Variants in CTNND2 observed in about 807,000 individuals in gnomAD.
CTNND2 encodes the protein catenin delta-2.
Under a neutral mutation model 144.4 loss-of-function variants are expected in CTNND2, and 22 were observed. The observed-to-expected ratio is 0.15, with a 90% CI of 0.11 to 0.22. The LOEUF is 0.22. CTNND2 is among the 10% of genes least tolerant of loss of function. The probability of loss-of-function intolerance (pLI) is 1.00; values close to 1 mark genes in which losing one functional copy is unlikely to be tolerated. For missense variants in CTNND2, 1,353 were observed against 1,618.8 expected, an observed-to-expected ratio of 0.84 and a Z score of 2.82; for synonymous variants, 751 against 695.6, an observed-to-expected ratio of 1.08 and a Z score of -1.25.
intron 9 of CTNND2, among the ~76,000 whole-genome samples, chr5:11,273,541 A>T (rs1746230985): frequency 6.6e-6 from 1 of 152,206 alleles, no homozygotes; most frequent in South Asian, 2.1e-4. Context: ...GCTTGAAGGA[A>T]AATTGGGCTT....
chr5:11,884,618 C>T (rs56391363), intron 1 of CTNND2, among the ~76,000 whole-genome samples: 39,058 of 151,940 alleles, frequency 0.26, 5,139 homozygotes, highest in Middle Eastern at 0.28. Context: ...GTGGATAATA[C>T]GACTTCCTCC....
At chr5:11,692,702 A>C (rs1784962835) in intron 2 of CTNND2, among the ~76,000 whole-genome samples, 1 of 152,238 alleles carries the variant, frequency 6.6e-6, no homozygotes, top group Non-Finnish European at 1.5e-5. Context: ...TCTGGGTTCA[A>C]GTGATTCTCC....
chr5:11,671,818 T>C (rs998912850), intron 2 of CTNND2, among the ~76,000 whole-genome samples: 2 of 152,130 alleles, frequency 1.3e-5, no homozygotes, highest in African/African-American at 4.8e-5. Context: ...TTTTGTTCCC[T>C]TGCTGGCGAG....
intron 3 of CTNND2, among the ~76,000 whole-genome samples, chr5:11,479,196 G>A (rs546027338): frequency 3.1e-4 from 47 of 152,062 alleles, no homozygotes; most frequent in Admixed American, 1.2e-3. Flanking sequence ...TCCCCTCTTC[G>A]TGTCCATGTG....
rs554478730 is a variant in CTNND2, at chr5:11,300,992, G to A, written c.1628+45380C>T. ...ATGAAACAAGAACTGGTATCTCAGTGTGTGGTCTCCCCTTCTGCTTTCTTT... is the reference window on the plus strand; with the variant it reads ...ATGAAACAAGAACTGGTATCTCAGTATGTGGTCTCCCCTTCTGCTTTCTTT... On this transcript the variant is annotated intron_variant, in intron 9 of 21. Transcript: ENST00000304623. 1.4e-3 allele frequency among the ~76,000 whole-genome samples: 216 copies of A among 152,274 alleles called. 7 individuals carry two copies. In the South Asian group the frequency reaches 0.043, roughly 30 times the overall value.
intron 9 of CTNND2, among the ~76,000 whole-genome samples, chr5:11,255,800 C>A (rs1214179639): frequency 3.3e-5 from 5 of 152,174 alleles, no homozygotes; most frequent in Non-Finnish European, 7.3e-5. Flanking sequence ...CCATAATACT[C>A]CCATTGCTGG....
intron 3 of CTNND2, among the ~76,000 whole-genome samples, chr5:11,535,280 T>C (rs189414869): frequency 6.6e-6 from 1 of 152,148 alleles, no homozygotes; most frequent in Admixed American, 6.5e-5. Context: ...ATTCACTTTC[T>C]CACTCTACAC....
intron 21 of CTNND2, among the ~76,000 whole-genome samples, chr5:10,977,425 A>G (rs1330253841): frequency 6.6e-6 from 1 of 152,198 alleles, no homozygotes; most frequent in Non-Finnish European, 1.5e-5. Flanking sequence ...TAGAAGCTCA[A>G]AAGGATGTTT....
chr5:11,814,770 T>C (rs912170659), intron 1 of CTNND2, among the ~76,000 whole-genome samples: 1 of 152,176 alleles, frequency 6.6e-6, no homozygotes, highest in African/African-American at 2.4e-5. Context: ...CTTGACAAAA[T>C]AAAATAAAAC....
At chr5:11,399,553 C>G (rs929988089) in intron 5 of CTNND2, among the ~76,000 whole-genome samples, 4 of 152,148 alleles carry the variant, frequency 2.6e-5, no homozygotes, top group Non-Finnish European at 5.9e-5. Context: ...ACAGTATCTT[C>G]TAATGACAAT....
At position 10,979,931 on chromosome 5, in the gene CTNND2, G is replaced by A. The variant is rs61752672; in HGVS notation, c.3417+1842C>T. On this transcript the variant is annotated intron_variant, in intron 21 of 21. Coordinates refer to ENST00000304623, the MANE Select transcript of CTNND2 (RefSeq NM_001332.4). Reference sequence around the variant, plus strand: ...AGATGTATCAAAGACTTAAACATACGACCCAGGACCATAGGAATCATAGAA... The same window carrying A: ...AGATGTATCAAAGACTTAAACATACAACCCAGGACCATAGGAATCATAGAA... Among the ~76,000 whole-genome samples the A allele has an allele frequency of 5.5e-3, 830 of 152,166 alleles. 7 individuals are homozygous for A. The highest frequency in any genetic ancestry group is 0.019 in the African/African-American group (772 of 41,500).
At chr5:11,688,672 C>T (rs1234471485) in intron 2 of CTNND2, among the ~76,000 whole-genome samples, 2 of 152,108 alleles carry the variant, frequency 1.3e-5, no homozygotes, top group South Asian at 2.1e-4. Flanking sequence ...TATCAAGTGA[C>T]GAGTGGAAGT....
chr5:11,184,659 A>T (rs765201860), intron 11 of CTNND2, among the ~76,000 whole-genome samples: 19 of 152,182 alleles, frequency 1.2e-4, no homozygotes, highest in Non-Finnish European at 2.2e-4. Flanking sequence ...TGCATAGTAG[A>T]TTAATCCTTG....
chr5:11,481,586 G>T (rs1338441382), intron 3 of CTNND2, among the ~76,000 whole-genome samples: 3 of 151,936 alleles, frequency 2.0e-5, no homozygotes, highest in Non-Finnish European at 4.4e-5. Context: ...TTGGGAAACA[G>T]AATGAGACCC....
At chr5:11,015,662 C>A (rs1580046787) in intron 18 of CTNND2, among the ~76,000 whole-genome samples, 1 of 152,302 alleles carries the variant, frequency 6.6e-6, no homozygotes, top group African/African-American at 2.4e-5. Context: ...TGCTTCCCTT[C>A]AATGCACAGA....
intron 2 of CTNND2, among the ~76,000 whole-genome samples, chr5:11,594,228 A>G (rs1779397163): frequency 1.3e-5 from 2 of 152,226 alleles, no homozygotes; most frequent in Non-Finnish European, 2.9e-5. Flanking sequence ...TAAATCATGT[A>G]TAACCAGGCA....
At chr5:11,480,677 A>AGTGTGTGTGTGTGTGT (rs1768165511) in intron 3 of CTNND2, among the ~76,000 whole-genome samples, 1 of 78,430 alleles carries the variant, frequency 1.3e-5, no homozygotes, top group African/African-American at 5.7e-5. Flanking sequence ...TGTGTGTGTA[A>AGTGTGTGTGTGTGTGT]GTGCATATAA....
chr5:11,879,780 C>T (rs1034242489), intron 1 of CTNND2, among the ~76,000 whole-genome samples: 2 of 152,092 alleles, frequency 1.3e-5, no homozygotes, highest in African/African-American at 4.8e-5. Context: ...CAAAAGTACA[C>T]AAAATGCTTT....
intron 9 of CTNND2, among the ~76,000 whole-genome samples, chr5:11,288,189 A>G (rs1301341306): frequency 6.6e-6 from 1 of 152,182 alleles, no homozygotes; most frequent in East Asian, 1.9e-4. Context: ...GACGCCTGCT[A>G]TATATTTAAA....
Sources: allele counts gnomAD v4.1 joint callset (sites outside exome capture counted in the v4.1 genomes callset), GRCh38; gene constraint gnomAD v4.1.1; transcripts MANE v1.5; gene names NCBI Gene and HGNC (gene_info 2026-07-23, HGNC 2026-07-21).